Variants in CUX1 observed in about 807,000 individuals in gnomAD.
CUX1 encodes cut like homeobox 1, also known as protein CASP.
CUX1 carries 31 observed loss-of-function variants against 158.8 expected under a neutral mutation model. The ratio of observed to expected loss-of-function variants is 0.20; its 90% CI spans 0.15 to 0.26. The LOEUF is 0.26. Among genes scored for constraint, CUX1 ranks in the 10% least tolerant of loss-of-function variants. The pLI is 1.00. For missense variants in CUX1, 1,589 were observed against 2,014.6 expected (o/e 0.79, Z 4.04); for synonymous variants, 879 against 862.1 (o/e 1.02, Z -0.34).
intron 1 of CUX1, among the ~76,000 whole-genome samples, chr7:101,830,803 GT>G (rs1270722847): frequency 6.6e-6 from 1 of 152,100 alleles, no homozygotes; most frequent in African/African-American, 2.4e-5. Flanking sequence ...GATGCACTTT[GT>G]TTTGTTAAAA....
intron 8 of CUX1, among the ~76,000 whole-genome samples, chr7:102,148,004 A>T (rs573461240): frequency 1.3e-5 from 2 of 152,222 alleles, no homozygotes; most frequent in Admixed American, 6.5e-5. Context: ...AAATAAATAA[A>T]TTTGCATATT....
chr7:102,032,667 C>T (rs550954185), intron 3 of CUX1, among the ~76,000 whole-genome samples: 12 of 113,300 alleles, frequency 1.1e-4, no homozygotes, highest in African/African-American at 3.8e-4. Context: ...AGTGAGACTC[C>T]GTCTAAATAA....
intron 2 of CUX1, among the ~76,000 whole-genome samples, chr7:102,018,744 G>A (rs1343406141): frequency 5.8e-5 from 3 of 51,858 alleles, no homozygotes; most frequent in African/African-American, 7.4e-5. Context: ...GAGTGCGTGC[G>A]TGCGTGCGTG....
At chr7:102,137,598 T>G (rs1728732959) in intron 8 of CUX1, among the ~76,000 whole-genome samples, 1 of 152,124 alleles carries the variant, frequency 6.6e-6, no homozygotes, top group Admixed American at 6.6e-5. Flanking sequence ...ATGGCACCGC[T>G]GCACTCCAGC....
intron 2 of CUX1, among the ~76,000 whole-genome samples, chr7:101,922,660 G>A (rs1318225950): frequency 6.6e-6 from 1 of 152,192 alleles, no homozygotes; most frequent in Admixed American, 6.5e-5. Context: ...AGGGGATGAA[G>A]GAGGGAGGAG....
At chr7:102,261,724 C>T (rs1391474325), downstream of CUX1, among the ~76,000 whole-genome samples, 4 of 151,846 alleles carry the variant, frequency 2.6e-5, no homozygotes, top group African/African-American at 4.8e-5. Context: ...GGCTGATGAC[C>T]GTGAGCAAGT....
At position 102,249,863 on chromosome 7, in the gene CUX1, T is replaced by C; in HGVS notation, c.*821T>C. ...AATAAAACACATTTACTCCACATAT[T>C]TTTTAACAAAAAGAAAACGTCACAT... On this transcript the variant is annotated 3_prime_UTR_variant, in exon 24 of 24. Coordinates refer to ENST00000292535, the MANE Select transcript of CUX1 (RefSeq NM_181552.4). 1.0e-6 allele frequency: 1 copy of C among 985,744 alleles called. No homozygotes were observed. Among genetic ancestry groups the C allele is most frequent in the African/African-American group, 1.7e-5 (1 of 57,352 alleles). The allele number at this position is 985,744 out of a possible 1,614,324, so 61.1% of individuals were successfully genotyped here.
intron 2 of CUX1, among the ~76,000 whole-genome samples, chr7:102,003,334 A>ACACACACACACACC (rs1469103474): frequency 6.8e-6 from 1 of 146,658 alleles, no homozygotes; most frequent in Non-Finnish European, 1.5e-5. Flanking sequence ...ACACACACAC[A>ACACACACACACACC]CGCCCGCCCC....
At chr7:101,903,608 G>T (rs147383725) in intron 1 of CUX1, among the ~76,000 whole-genome samples, 1 of 152,240 alleles carries the variant, frequency 6.6e-6, no homozygotes, top group South Asian at 2.1e-4. Context: ...AGCCCTTCTC[G>T]TTAGGGCTGA....
At chr7:102,079,471 G>A (rs1217492218) in intron 4 of CUX1, among the ~76,000 whole-genome samples, 5 of 151,766 alleles carry the variant, frequency 3.3e-5, no homozygotes, top group African/African-American at 9.7e-5. Flanking sequence ...TTATGATTTC[G>A]TTAGAAATAG....
chr7:101,870,480 A>G (rs1438829860), intron 1 of CUX1, among the ~76,000 whole-genome samples: 1 of 152,098 alleles, frequency 6.6e-6, no homozygotes, highest in Non-Finnish European at 1.5e-5. Context: ...TTAGTTTTAA[A>G]GAGGGGGTGG....
intron 5 of CUX1, among the ~76,000 whole-genome samples, chr7:102,103,963 C>T (rs1475294588): frequency 6.6e-6 from 1 of 151,966 alleles, no homozygotes; most frequent in Non-Finnish European, 1.5e-5. Flanking sequence ...GTACTTAAAC[C>T]CACCTAAAAC....
intron 1 of CUX1, among the ~76,000 whole-genome samples, chr7:101,877,979 G>A (rs1399043222): frequency 1.3e-5 from 2 of 152,184 alleles, no homozygotes; most frequent in Non-Finnish European, 2.9e-5. Context: ...CCTATAGGGA[G>A]AGGGGCCAGG....
chr7:101,847,520 C>G (rs767919161), intron 1 of CUX1, among the ~76,000 whole-genome samples: 15 of 152,098 alleles, frequency 9.9e-5, no homozygotes, highest in Non-Finnish European at 2.1e-4. Flanking sequence ...CTGCTTCCTC[C>G]GTGAAACAGC....
intron 4 of CUX1, among the ~76,000 whole-genome samples, chr7:102,073,673 A>G (rs888257391): frequency 1.3e-5 from 2 of 152,170 alleles, no homozygotes; most frequent in African/African-American, 2.4e-5. Context: ...ACCTGAGCCA[A>G]CCTTGTCCAT....
intron 3 of CUX1, among the ~76,000 whole-genome samples, chr7:102,037,007 A>G (rs1260530004): frequency 2.6e-5 from 4 of 152,218 alleles, no homozygotes; most frequent in African/African-American, 7.2e-5. Context: ...CCTGGGCAAC[A>G]TGGTGAAACC....
At chr7:102,259,920 AC>A (rs1345832780), downstream of CUX1, among the ~76,000 whole-genome samples, 2 of 151,192 alleles carry the variant, frequency 1.3e-5, no homozygotes, top group African/African-American at 4.9e-5. Context: ...ACATAGTGAG[AC>A]CCCATCTCTA....
intron 1 of CUX1, among the ~76,000 whole-genome samples, chr7:101,849,328 T>C (rs1213229279): frequency 1.3e-5 from 2 of 151,962 alleles, no homozygotes; most frequent in Non-Finnish European, 2.9e-5. Flanking sequence ...TCTCCCTCTT[T>C]CCACCCTTCA....
intron 6 of CUX1, among the ~76,000 whole-genome samples, chr7:102,106,543 C>CATT (rs1830382920): frequency 1.3e-5 from 2 of 152,170 alleles, no homozygotes; most frequent in African/African-American, 4.8e-5. Flanking sequence ...ATCAGTTTAC[C>CATT]ATTGCCTTGG....
Sources: gnomAD v4.1 joint callset for allele counts (sites outside exome capture counted in the v4.1 genomes callset) on GRCh38, gnomAD v4.1.1 for gene constraint, MANE v1.5 for transcripts, NCBI Gene and HGNC (gene_info 2026-07-23, HGNC 2026-07-21) for gene names.